Variants in NCOR2 observed in about 807,000 individuals in gnomAD.
NCOR2 encodes the protein CTG repeat protein 26.
In NCOR2, 81 loss-of-function variants were observed where a neutral mutation model predicts 262.9. That is an observed-to-expected ratio of 0.31 (90% CI 0.26 to 0.37). NCOR2 has a LOEUF of 0.37. Among genes scored for constraint, NCOR2 ranks in the 10% least tolerant of loss-of-function variants. NCOR2 has a pLI of 1.00. For missense variants in NCOR2, 3,385 were observed against 3,621.4 expected (o/e 0.93, Z 1.68); for synonymous variants, 1,659 against 1,559.3 (o/e 1.06, Z -1.51).
chr12:124,470,062 A>G (rs751606618), intron 4 of NCOR2, among the ~76,000 whole-genome samples: 2 of 151,860 alleles, frequency 1.3e-5, no homozygotes, highest in Non-Finnish European at 2.9e-5. Context: ...GCTACTCAGA[A>G]GGCTGAGGTA....
At chr12:124,333,899 C>CGCGCATGTGTGTGTGT (rs1555299274) in intron 41 of NCOR2, among the ~76,000 whole-genome samples, 20 of 90,720 alleles carry the variant, frequency 2.2e-4, no homozygotes, top group African/African-American at 7.1e-4. Flanking sequence ...TGTGTGTGCG[C>CGCGCATGTGTGTGTGT]GCGCATGTGT....
At chr12:124,497,803 C>G (rs1245576174), upstream of NCOR2, among the ~76,000 whole-genome samples, 1 of 152,226 alleles carries the variant, frequency 6.6e-6, no homozygotes, top group East Asian at 1.9e-4. The surrounding 1 kb of genome is among the most constrained non-coding windows in gnomAD (Gnocchi z 4.2). Context: ...AATGATGCAG[C>G]TGCAGCCCAG....
intron 13 of NCOR2, among the ~76,000 whole-genome samples, chr12:124,404,905 T>A (rs1263595054): frequency 6.6e-6 from 1 of 152,202 alleles, no homozygotes; most frequent in Non-Finnish European, 1.5e-5. Context: ...AGAGCAGTGA[T>A]CACTGGTCAC....
chr12:124,373,636 C>T (rs372662644), intron 19 of NCOR2, among the ~76,000 whole-genome samples: 55 of 99,794 alleles, frequency 5.5e-4, no homozygotes, highest in East Asian at 1.6e-3. Flanking sequence ...CCAGTGCGTG[C>T]GCAGGGGCCC....
intron 1 of NCOR2, among the ~76,000 whole-genome samples, chr12:124,562,506 G>A (rs1428428441): frequency 6.6e-6 from 1 of 152,166 alleles, no homozygotes; most frequent in Non-Finnish European, 1.5e-5. Flanking sequence ...TCCCCCAGGG[G>A]GCCTCCCCCA....
At chr12:124,341,890 A>T in exon 34 of NCOR2, 1 of 1,612,656 alleles carries the variant, frequency 6.2e-7, no homozygotes, top group Non-Finnish European at 8.5e-7. Context: ...TCAGCATATC[A>T]GCTCGCTGGG....
Position 124,548,064 on chromosome 12 carries a change from G to A in NCOR2, c.-164-12453C>T, listed in dbSNP as rs2051595150. On this transcript the variant is annotated intron_variant, in intron 1 of 32. Transcript: ENST00000458234. The surrounding 1 kb of genome is among the most constrained non-coding windows in gnomAD (Gnocchi z 5.1). ...ATCTGGTGAAGGAGCCAGCTGGTGGGAGAGAGGGGCCTGGGGTGCCCCAGG... is the reference window on the plus strand; with the variant it reads ...ATCTGGTGAAGGAGCCAGCTGGTGGAAGAGAGGGGCCTGGGGTGCCCCAGG... Among the ~76,000 whole-genome samples the A allele has an allele frequency of 6.6e-6, 1 of 152,012 alleles. No individual in the cohort carries two copies. The highest frequency in any genetic ancestry group is 2.4e-5 in the African/African-American group (1 of 41,376).
At chr12:124,413,928 C>T (rs1354864387) in intron 13 of NCOR2, among the ~76,000 whole-genome samples, 1 of 151,912 alleles carries the variant, frequency 6.6e-6, no homozygotes, top group African/African-American at 2.4e-5. Context: ...TGAGCCCCCC[C>T]CACCCCAGGA....
chr12:124,567,177 A>G (rs1226739425), intron 1 of NCOR2, 131 bp downstream of exon 1: 1 of 151,732 alleles, frequency 6.6e-6, no homozygotes, highest in Non-Finnish European at 1.5e-5. Context: ...CCACCCCCCG[A>G]GAGCGCCAAC....
Position 124,470,384 on chromosome 12 carries a change from C to T in NCOR2, c.591+2568G>A, listed in dbSNP as rs2046770719. ...ACCCATGAGAACTGAAAACAGGTGT[C>T]CCAACAAAAACTTCAACACAAATGT... On this transcript the variant is annotated intron_variant, in intron 4 of 46. Transcript: ENST00000405201. Among the ~76,000 whole-genome samples the T allele has an allele frequency of 2.0e-5, 3 of 152,272 alleles. 1 individual carries two copies. In the South Asian group the frequency reaches 6.2e-4, roughly 32 times the overall value.
chr12:124,373,080 C>T (rs548491405), intron 19 of NCOR2, among the ~76,000 whole-genome samples: 14 of 152,360 alleles, frequency 9.2e-5, no homozygotes, highest in African/African-American at 3.4e-4. Context: ...CAATAGTTCC[C>T]ATCTCACAGG....
intron 1 of NCOR2, among the ~76,000 whole-genome samples, chr12:124,529,179 C>CAAAAAA (rs148397454): frequency 4.0e-4 from 21 of 52,158 alleles, no homozygotes; most frequent in African/African-American, 4.8e-4. Context: ...AACTCCGACT[C>CAAAAAA]AAAAAAAAAA....
rs150643533 is a variant in NCOR2, at chr12:124,417,040, C to CCA, written c.1482+2916_1482+2917insTG. The stretch of plus-strand genomic sequence containing the variant: ...GCCCAGAGCAAGCCGGACACTCACT[C>CCA]CTGAGAGCAAGCCGGACACTCACTC... On this transcript the variant is annotated intron_variant, in intron 13 of 46. Coordinates refer to ENST00000405201, the Ensembl canonical transcript of NCOR2. Among the ~76,000 whole-genome samples the CCA allele has an allele frequency of 2.4e-3, 311 of 126,970 alleles. 7 individuals are homozygous for CCA. The East Asian group carries it at 0.041, about 17-fold the overall frequency. The allele number at this position is 126,970 out of a possible 152,430, so 83.3% of individuals were successfully genotyped here. A position where few individuals can be genotyped will look rare whatever the true frequency, so the allele number is the denominator to read the frequency against.
At chr12:124,335,145 T>C in exon 40 of NCOR2, 1 of 1,612,160 alleles carries the variant, frequency 6.2e-7, no homozygotes, top group Non-Finnish European at 8.5e-7. Flanking sequence ...ACTGATGTGC[T>C]GGGCCAGGGT....
Position 124,339,365 on chromosome 12 carries a change from CACCTACCT to C in NCOR2, c.5687+633_5687+640del, listed in dbSNP as rs58198311. ...TAACTCAGTCATTTATCCTCTTAGC[CACCTACCT>C]ACCTACCTACCTACCTACCTACCTA... On this transcript the variant is annotated intron_variant, in intron 37 of 46. Coordinates refer to ENST00000405201, the Ensembl canonical transcript of NCOR2. 1.3e-3 allele frequency among the ~76,000 whole-genome samples: 165 copies of C among 130,916 alleles called. 1 individual carries two copies. The highest frequency in any genetic ancestry group is 4.4e-3 in the African/African-American group (138 of 31,138). 85.9% of individuals were successfully genotyped at this position (130,916 alleles called of 152,430 possible). A position where few individuals can be genotyped will look rare whatever the true frequency, so the allele number is the denominator to read the frequency against.
At chr12:124,372,300 C>T in exon 20 of NCOR2, 7 of 1,535,614 alleles carry the variant, frequency 4.6e-6, no homozygotes, top group Non-Finnish European at 6.1e-6. Flanking sequence ...CGGGGGGCTT[C>T]TGCTCCTCCC....
chr12:124,354,914 G>T (rs766879930), exon 25 of NCOR2: 1 of 1,612,550 alleles, frequency 6.2e-7, no homozygotes, highest in South Asian at 1.1e-5. Flanking sequence ...CTCTGAGTAC[G>T]GGACGTGGAG....
chr12:124,349,616 G>A (rs1039010185), intron 28 of NCOR2, among the ~76,000 whole-genome samples: 3 of 152,074 alleles, frequency 2.0e-5, no homozygotes, highest in African/African-American at 4.8e-5. Flanking sequence ...CACACCTGCC[G>A]CTGCCTGCAC....
intron 1 of NCOR2, among the ~76,000 whole-genome samples, chr12:124,494,898 G>A (rs2048301117): frequency 6.6e-6 from 1 of 152,200 alleles, no homozygotes. Flanking sequence ...TCCAGAGAGG[G>A]CAGAGCCCCA....
Sources: gnomAD v4.1 joint callset for allele counts (sites outside exome capture counted in the v4.1 genomes callset) on GRCh38, gnomAD v4.1.1 for gene constraint, Gnocchi (gnomAD v3.1) non-coding constraint, MANE v1.5 for transcripts, NCBI Gene and HGNC (gene_info 2026-07-23, HGNC 2026-07-21) for gene names.